The following SUFU variants were observed in gnomAD, a reference collection of about 807,000 sequenced individuals.
SUFU encodes the protein suppressor of fused homolog.
SUFU carries 7 observed loss-of-function variants against 58.9 expected under a neutral mutation model. The ratio of observed to expected loss-of-function variants is 0.12; its 90% CI spans 0.07 to 0.22. The LOEUF is 0.22. SUFU is among the 10% of genes least tolerant of loss of function. The pLI, the probability that SUFU is intolerant of heterozygous loss-of-function variation, is 1.00. For synonymous variants in SUFU, 232 were observed against 254.8 expected, an observed-to-expected ratio of 0.91 and a Z score of 0.85; for missense variants, 451 against 641.3, an observed-to-expected ratio of 0.70 and a Z score of 3.20.
At chr10:102,514,205 C>T (rs1221672006) in intron 2 of SUFU, among the ~76,000 whole-genome samples, 2 of 152,140 alleles carry the variant, frequency 1.3e-5, no homozygotes, top group African/African-American at 2.4e-5. Context: ...TATTAAATGC[C>T]TGCTGTGTAC....
intron 2 of SUFU, among the ~76,000 whole-genome samples, chr10:102,527,512 T>TATA: frequency 6.6e-6 from 1 of 151,382 alleles, no homozygotes; most frequent in Middle Eastern, 3.4e-3. Flanking sequence ...TATATATATA[T>TATA]ATGTATATTT....
chr10:102,617,894 G>C lies in SUFU; in HGVS notation c.1296+466G>C. The stretch of plus-strand genomic sequence containing the variant: ...GGCTGGGCAGGCCTCAGTGGGAAGA[G>C]CCTCCCCTTCTTAGCCTACCCCCAT... On this transcript the variant is annotated intron_variant, in intron 10 of 11. Coordinates refer to ENST00000369902, the MANE Select transcript of SUFU (RefSeq NM_016169.4). The surrounding 1 kb of genome is among the most constrained non-coding windows in gnomAD (Gnocchi z 4.4). 1 of 290,318 alleles carries C rather than the reference G, an allele frequency of 3.4e-6. No homozygotes were observed. Among genetic ancestry groups the C allele is most frequent in the Non-Finnish European group, 6.4e-6 (1 of 156,078 alleles). 18.0% of individuals were successfully genotyped at this position (290,318 alleles called of 1,614,324 possible).
intron 7 of SUFU, among the ~76,000 whole-genome samples, chr10:102,598,803 T>A (rs2063488763): frequency 6.6e-6 from 1 of 152,194 alleles, no homozygotes. Context: ...GGGACCAGAC[T>A]AGTAAGCTTC....
chr10:102,504,072 C>T lies in SUFU; in HGVS notation c.-81C>T, dbSNP rs546107381. ...CATCGCCTCGGGGAGTCTCACCCAC[C>T]GAGTCCGCCCGCTGGCCCGTCAGTG... On this transcript the variant is annotated 5_prime_UTR_variant, in exon 1 of 12. Transcript: ENST00000369902. 109 of 1,474,236 alleles carry T rather than the reference C, an allele frequency of 7.4e-5. No homozygotes were observed. In the African/African-American group the frequency reaches 1.2e-3, roughly 17 times the overall value. The allele number at this position is 1,474,236 out of a possible 1,614,324, so 91.3% of individuals were successfully genotyped here.
At chr10:102,503,921 G>A, upstream of SUFU, 1 of 515,444 alleles carries the variant, frequency 1.9e-6, no homozygotes, top group Non-Finnish European at 3.3e-6. Flanking sequence ...GATAGGGTGC[G>A]CCGGCGCCCC....
Position 102,599,466 on chromosome 10 carries a change from G to A in SUFU, c.944G>A (p.Gly315Glu), listed in dbSNP as rs2135888649. The A allele has an allele frequency of 1.9e-6, 3 of 1,614,100 alleles. No individual in the cohort carries two copies. Among genetic ancestry groups the A allele is most frequent in the Non-Finnish European group, 2.5e-6 (3 of 1,180,012 alleles). ...CAGATCCGGGAGACCCTGAGGAGAG[G>A]ACTCGAGATCAACAGCAAACCTGTC... ...TEQIRETLRRGLEINSKPVLP... is the reference protein window; with the variant it reads ...TEQIRETLRRELEINSKPVLP... Residue 315 changes from glycine (G) to glutamate (E), a missense_variant, in exon 8 of 12, where the codon GGA (glycine) becomes GAA (glutamate). Gly to Glu is a moderately conservative substitution (Grantham distance 98). Transcript: ENST00000369902.
At chr10:102,621,305 T>G (rs146968839) in intron 10 of SUFU, among the ~76,000 whole-genome samples, 1 of 152,196 alleles carries the variant, frequency 6.6e-6, no homozygotes, top group Non-Finnish European at 1.5e-5. Flanking sequence ...GGGACACCCA[T>G]TAAGGTTTAG....
intron 8 of SUFU, among the ~76,000 whole-genome samples, chr10:102,604,234 G>A (rs2063541491): frequency 6.6e-6 from 1 of 152,346 alleles, no homozygotes. Flanking sequence ...AACAGCCCAG[G>A]CCTCTCTGCT....
At chr10:102,518,920 A>ACC (rs1334218957) in intron 2 of SUFU, among the ~76,000 whole-genome samples, 1 of 150,250 alleles carries the variant, frequency 6.7e-6, no homozygotes. Flanking sequence ...CAGGCGGATC[A>ACC]TGAGGTCAGG....
chr10:102,566,642 G>A (rs981971806), intron 3 of SUFU, among the ~76,000 whole-genome samples: 1 of 151,882 alleles, frequency 6.6e-6, no homozygotes, highest in African/African-American at 2.4e-5. Context: ...GCGGGCGCCT[G>A]TAATCCCAGC....
chr10:102,546,720 G>A (rs1316000935), intron 2 of SUFU, among the ~76,000 whole-genome samples: 5 of 152,368 alleles, frequency 3.3e-5, no homozygotes, highest in Admixed American at 2.6e-4. Context: ...ACTTCAGGTC[G>A]TGTGTTTATC....
chr10:102,627,879 G>A (rs757789647), intron 11 of SUFU, among the ~76,000 whole-genome samples: 3 of 152,050 alleles, frequency 2.0e-5, no homozygotes, highest in South Asian at 4.1e-4. Context: ...CCTTGTTCCC[G>A]GCATCCTTAT....
chr10:102,565,683 T>G (rs894347959), intron 3 of SUFU, among the ~76,000 whole-genome samples: 26 of 152,318 alleles, frequency 1.7e-4, no homozygotes, highest in African/African-American at 6.3e-4. Context: ...TAGCTGGGAC[T>G]ACAGGTGCCC....
chr10:102,597,388 C>T, intron 7 of SUFU, 95 bp downstream of exon 7: 1 of 1,438,390 alleles, frequency 7.0e-7, no homozygotes, highest in Non-Finnish European at 9.3e-7. Flanking sequence ...CTAACAAAAA[C>T]AACCCATTCA....
intron 3 of SUFU, chr10:102,573,141 A>G (rs2135808143): frequency 1.3e-6 from 1 of 773,856 alleles, no homozygotes; most frequent in South Asian, 1.3e-5. Context: ...ACACCTTTCA[A>G]CACTGCCTTC....
chr10:102,593,785 C>G, intron 5 of SUFU, 64 bp downstream of exon 5: 1 of 1,529,310 alleles, frequency 6.5e-7, no homozygotes, highest in Admixed American at 1.7e-5. Flanking sequence ...CCCTCCACTA[C>G]CCTCCATGTG....
At chr10:102,571,386 C>T (rs146573292) in intron 3 of SUFU, among the ~76,000 whole-genome samples, 63 of 152,188 alleles carry the variant, frequency 4.1e-4, no homozygotes, top group African/African-American at 1.5e-3. Context: ...TTAAGGAGGC[C>T]GGGCACAGTG....
chr10:102,549,401 A>G lies in SUFU; in HGVS notation c.318-569A>G, dbSNP rs532059150. Among the ~76,000 whole-genome samples, 17 of 152,314 alleles carry G rather than the reference A, an allele frequency of 1.1e-4. No individual in the cohort carries two copies. The South Asian group carries it at 3.3e-3, about 30-fold the overall frequency. On this transcript the variant is annotated intron_variant, in intron 2 of 11. Coordinates refer to ENST00000369902, the MANE Select transcript of SUFU (RefSeq NM_016169.4). ...CATCAGATCTTGTGAGAACTCACTC[A>G]CTATGACAAGAACACTGTGGAGGAA...
intron 8 of SUFU, among the ~76,000 whole-genome samples, chr10:102,604,549 G>A (rs980135934): frequency 6.6e-6 from 1 of 152,062 alleles, no homozygotes. Context: ...TATTTTTATC[G>A]CCCATCCTTG....
Sources: allele counts gnomAD v4.1 joint callset (sites outside exome capture counted in the v4.1 genomes callset), GRCh38; gene constraint gnomAD v4.1.1; non-coding constraint Gnocchi (gnomAD v3.1); transcripts MANE v1.5; gene names NCBI Gene and HGNC (gene_info 2026-07-23, HGNC 2026-07-21).